The following ZNF462 variants were observed in gnomAD, a reference collection of about 807,000 sequenced individuals.
ZNF462 encodes the protein zinc finger protein 462, also known as zinc finger PBX1-interacting protein.
A neutral mutation model predicts 201.9 loss-of-function variants in ZNF462; 10 were observed. That is an observed-to-expected ratio of 0.05 (90% CI 0.03 to 0.08). ZNF462 has a LOEUF of 0.08. ZNF462 is among the 10% of genes least tolerant of loss of function. The pLI is 1.00. For synonymous variants in ZNF462, 1,227 were observed against 1,193.3 expected (o/e 1.03, Z -0.58); for missense variants, 2,523 against 3,168.3 (o/e 0.80, Z 4.89).
At position 106,929,740 on chromosome 9, in the gene ZNF462, C is replaced by A. The variant is rs1447329421; in HGVS notation, c.5828C>A (p.Ala1943Glu). The A allele has an allele frequency of 1.2e-6, 2 of 1,613,096 alleles. No individual in the cohort carries two copies. Among genetic ancestry groups the A allele is most frequent in the Non-Finnish European group, 1.7e-6 (2 of 1,179,502 alleles). The change falls in exon 3 of 13, where the codon GCA becomes GAA. Residue 1943 changes from alanine (A) to glutamate (E), a missense_variant. Ala to Glu is a moderately radical substitution (Grantham distance 107, BLOSUM62 -1). Transcript: ENST00000277225. The surrounding 1 kb of genome is among the most constrained non-coding windows in gnomAD (Gnocchi z 8.7). ...SKQKYADGAF[A>E]DFKQERPFGH... ...CAGAAATATGCAGATGGTGCTTTTGCAGATTTCAAACAAGAGAGGGTAAGG... is the reference window on the plus strand; with the variant it reads ...CAGAAATATGCAGATGGTGCTTTTGAAGATTTCAAACAAGAGAGGGTAAGG...
At position 106,984,916 on chromosome 9, in the gene ZNF462, C is replaced by T. The variant is rs1260893141; in HGVS notation, c.7056+507C>T. ...CAGCCATGCTGGAGTTCAAGACCAG[C>T]CTGGGCAACATGGCGAAACCCCATC... On this transcript the variant is annotated intron_variant, in intron 10 of 12. Coordinates refer to ENST00000277225, the MANE Select transcript of ZNF462 (RefSeq NM_021224.6). The surrounding 1 kb of genome is among the most constrained non-coding windows in gnomAD (Gnocchi z 6.4). Among the ~76,000 whole-genome samples, 1 of 152,068 alleles carries T rather than the reference C, an allele frequency of 6.6e-6. No homozygotes were observed. Among genetic ancestry groups the T allele is most frequent in the Non-Finnish European group, 1.5e-5 (1 of 68,028 alleles).
intron 7 of ZNF462, among the ~76,000 whole-genome samples, chr9:106,943,023 G>A (rs1388277591): frequency 1.3e-5 from 2 of 151,010 alleles, no homozygotes; most frequent in Non-Finnish European, 2.9e-5. Context: ...AAATGAATAA[G>A]GTGAATGATG....
In ZNF462 at chr9:106,984,649, A is replaced by T. The variant is rs1031925552; in HGVS notation, c.7056+240A>T. Among the ~76,000 whole-genome samples the T allele has an allele frequency of 1.3e-5, 2 of 152,218 alleles. No homozygotes were observed. Among genetic ancestry groups the T allele is most frequent in the African/African-American group, 4.8e-5 (2 of 41,468 alleles). ...TTCTACCACACTAGTCCAAATGCTG[A>T]ACATTTCTGGTCTGTTCTCTAGACC... On this transcript the variant is annotated intron_variant, in intron 10 of 12. Transcript: ENST00000277225. This position sits in a 1 kb window ranked among gnomAD's most constrained non-coding sequence, Gnocchi z 6.4.
chr9:107,008,165 C>G lies in ZNF462; in HGVS notation c.7190-1380C>G, dbSNP rs961441771. ...TCTCATTATGCAGTTGGGGAGGAGT[C>G]AGGAAGGCATTCTGTTGATTTCTTG... On this transcript the variant is annotated intron_variant, in intron 11 of 12. Coordinates refer to ENST00000277225, the MANE Select transcript of ZNF462 (RefSeq NM_021224.6). This position sits in a 1 kb window ranked among gnomAD's most constrained non-coding sequence, Gnocchi z 4.8. 6.6e-6 allele frequency among the ~76,000 whole-genome samples: 1 copy of G among 152,098 alleles called. No individual in the cohort carries two copies. The highest frequency in any genetic ancestry group is 6.6e-5 in the Admixed American group (1 of 15,266).
chr9:106,977,250 A>T lies in ZNF462; in HGVS notation c.6832+2977A>T, dbSNP rs780693688. ...AGTTGGGGCTGATCTCAAAGTAACA[A>T]GACATGGCTCCTTCTGCACCTGTCC... On this transcript the variant is annotated intron_variant, in intron 9 of 12. Coordinates refer to ENST00000277225, the MANE Select transcript of ZNF462 (RefSeq NM_021224.6). The surrounding 1 kb of genome is among the most constrained non-coding windows in gnomAD (Gnocchi z 4.6). 1.8e-4 allele frequency among the ~76,000 whole-genome samples: 26 copies of T among 147,324 alleles called. 1 individual carries two copies. The highest frequency in any genetic ancestry group is 5.7e-4 in the African/African-American group (21 of 36,900).
At chr9:106,944,729 T>C (rs1831029238) in intron 7 of ZNF462, among the ~76,000 whole-genome samples, 1 of 152,198 alleles carries the variant, frequency 6.6e-6, no homozygotes, top group Non-Finnish European at 1.5e-5. Flanking sequence ...TCCCAGTCTC[T>C]AGTAATCACT....
In ZNF462 at chr9:106,930,899, C is replaced by A; in HGVS notation, c.6012+210C>A. ...GAAAGGTCGAGTTTCGATCTGGTTT[C>A]CTTCCACGCGGATAGTTTGGTGGCA... is the stretch of plus-strand genomic sequence containing the variant. On this transcript the variant is annotated intron_variant, in intron 4 of 12. Transcript: ENST00000277225. The surrounding 1 kb of genome is among the most constrained non-coding windows in gnomAD (Gnocchi z 5.8). 3.8e-6 allele frequency: 2 copies of A among 528,052 alleles called. No individual in the cohort carries two copies. Among genetic ancestry groups the A allele is most frequent in the Non-Finnish European group, 6.6e-6 (2 of 305,070 alleles). The allele number at this position is 528,052 out of a possible 1,614,324, so 32.7% of individuals were successfully genotyped here. A position where few individuals can be genotyped will look rare whatever the true frequency, so the allele number is the denominator to read the frequency against.
At chr9:106,958,189 T>C (rs967347735) in intron 7 of ZNF462, among the ~76,000 whole-genome samples, 5 of 151,458 alleles carry the variant, frequency 3.3e-5, no homozygotes, top group Admixed American at 6.6e-5. Context: ...AATGCATTTC[T>C]ACCAAGCCTC....
At chr9:106,897,401 C>G (rs572633897) in intron 1 of ZNF462, among the ~76,000 whole-genome samples, 1 of 152,190 alleles carries the variant, frequency 6.6e-6, no homozygotes, top group African/African-American at 2.4e-5. Flanking sequence ...GCTTTGGTGA[C>G]AAGATAACTT....
intron 1 of ZNF462, among the ~76,000 whole-genome samples, chr9:106,867,802 A>G (rs1248112367): frequency 6.6e-6 from 1 of 152,164 alleles, no homozygotes; most frequent in East Asian, 1.9e-4. Flanking sequence ...TTACTTGGTT[A>G]AGGTAACCTT....
At chr9:106,898,951 G>A (rs1230738705) in intron 1 of ZNF462, among the ~76,000 whole-genome samples, 1 of 152,156 alleles carries the variant, frequency 6.6e-6, no homozygotes, top group East Asian at 1.9e-4. Flanking sequence ...GGCAATTGTA[G>A]TTAAGTTTTT....
intron 1 of ZNF462, among the ~76,000 whole-genome samples, chr9:106,910,426 T>C: frequency 6.6e-6 from 1 of 151,052 alleles, no homozygotes; most frequent in East Asian, 1.9e-4. Flanking sequence ...AGCAGAACTT[T>C]TTCTTGGCCC....
intron 1 of ZNF462, among the ~76,000 whole-genome samples, chr9:106,897,954 C>G (rs548168735): frequency 9.9e-5 from 15 of 152,210 alleles, no homozygotes; most frequent in Non-Finnish European, 2.1e-4. Flanking sequence ...TCTCCCTCCC[C>G]CTACAAACAT....
rs990672311 is a variant in ZNF462 at position 107,006,083 on chromosome 9, A to G, written c.7189+2657A>G. Among the ~76,000 whole-genome samples the G allele has an allele frequency of 3.3e-5, 5 of 152,100 alleles. No homozygotes were observed. The highest frequency in any genetic ancestry group is 1.2e-4 in the African/African-American group (5 of 41,410). On this transcript the variant is annotated intron_variant, in intron 11 of 12. Coordinates refer to ENST00000277225, the MANE Select transcript of ZNF462 (RefSeq NM_021224.6). This position sits in a 1 kb window ranked among gnomAD's most constrained non-coding sequence, Gnocchi z 4.3. Reference sequence around the variant, plus strand: ...CCAGTACCATGCTGTTTTGATTACTATAGTTTTGTAGTCAACTTTGAAGTC... The same window carrying G: ...CCAGTACCATGCTGTTTTGATTACTGTAGTTTTGTAGTCAACTTTGAAGTC...
chr9:106,948,790 G>A lies in ZNF462; in HGVS notation c.6427+9683G>A, dbSNP rs1002978260. ...GCTTTGAAATATAAGGATTCATATCGCAAAAATAATTCCTTTTCAAATAAT... is the reference window on the plus strand; with the variant it reads ...GCTTTGAAATATAAGGATTCATATCACAAAAATAATTCCTTTTCAAATAAT... On this transcript the variant is annotated intron_variant, in intron 7 of 12. Coordinates refer to ENST00000277225, the MANE Select transcript of ZNF462 (RefSeq NM_021224.6). 3.3e-5 allele frequency among the ~76,000 whole-genome samples: 5 copies of A among 151,278 alleles called. No individual in the cohort carries two copies. The East Asian group carries it at 5.8e-4, about 18-fold the overall frequency.
rs913764423 is a variant in ZNF462, at chr9:107,008,896, C to T, written c.7190-649C>T. ...GCAGCTGGCCAGGATCTCTCAATAG[C>T]AGGGGACATGTGTTCACATACTGGT... On this transcript the variant is annotated intron_variant, in intron 11 of 12. Transcript: ENST00000277225. This position sits in a 1 kb window ranked among gnomAD's most constrained non-coding sequence, Gnocchi z 4.8. Among the ~76,000 whole-genome samples, 1 of 152,174 alleles carries T rather than the reference C, an allele frequency of 6.6e-6. No individual in the cohort carries two copies. The highest frequency in any genetic ancestry group is 1.5e-5 in the Non-Finnish European group (1 of 68,032).
upstream of ZNF462, among the ~76,000 whole-genome samples, chr9:106,860,690 G>A (rs1325083639): frequency 6.6e-6 from 1 of 152,188 alleles, no homozygotes; most frequent in African/African-American, 2.4e-5. This position sits in a 1 kb window ranked among gnomAD's most constrained non-coding sequence, Gnocchi z 7.1. Flanking sequence ...AAGACAAAGA[G>A]GTAAATTATC....
At chr9:106,948,028 G>T (rs1284701263) in intron 7 of ZNF462, among the ~76,000 whole-genome samples, 1 of 152,202 alleles carries the variant, frequency 6.6e-6, no homozygotes. Context: ...CTTTGGATAG[G>T]AGAAGGAATT....
In ZNF462 at chr9:106,913,102, C is replaced by T. The variant is rs1446705357; in HGVS notation, c.-30-10252C>T. ...TTATAAACACATAGGTGGAACAATGCAGCCAGAGGCAGCTTCTCCATGGAT... is the reference window on the plus strand; with the variant it reads ...TTATAAACACATAGGTGGAACAATGTAGCCAGAGGCAGCTTCTCCATGGAT... On this transcript the variant is annotated intron_variant, in intron 1 of 12. Transcript: ENST00000277225. This position sits in a 1 kb window ranked among gnomAD's most constrained non-coding sequence, Gnocchi z 4.1. Among the ~76,000 whole-genome samples the T allele has an allele frequency of 6.6e-6, 1 of 152,170 alleles. No individual in the cohort carries two copies. Among genetic ancestry groups the T allele is most frequent in the African/African-American group, 2.4e-5 (1 of 41,442 alleles).
Sources: gnomAD v4.1 joint callset for allele counts (sites outside exome capture counted in the v4.1 genomes callset) on GRCh38, gnomAD v4.1.1 for gene constraint, Gnocchi (gnomAD v3.1) non-coding constraint, MANE v1.5 for transcripts, NCBI Gene and HGNC (gene_info 2026-07-23, HGNC 2026-07-21) for gene names.